ITPR1: variants seen among roughly 807,000 people sequenced by gnomAD.
ITPR1 encodes inositol 1,4,5-trisphosphate receptor type 1.
ITPR1 carries 96 observed loss-of-function variants against 318.4 expected under a neutral mutation model. The observed-to-expected ratio is 0.30, with a 90% CI of 0.26 to 0.36. The LOEUF (loss-of-function observed/expected upper bound fraction) is 0.36. ITPR1 is among the 10% of genes least tolerant of loss of function. ITPR1 has a pLI of 1.00. For missense variants in ITPR1, 2,440 were observed against 3,460.2 expected, an observed-to-expected ratio of 0.71 and a Z score of 7.40; for synonymous variants, 1,312 against 1,289.9, an observed-to-expected ratio of 1.02 and a Z score of -0.37.
intron 4 of ITPR1, among the ~76,000 whole-genome samples, chr3:4,600,311 T>G (rs1390681765): frequency 6.6e-6 from 1 of 152,160 alleles, no homozygotes; most frequent in Non-Finnish European, 1.5e-5. Context: ...CCCTTGTGAA[T>G]TAGAACTGGT....
Position 4,697,223 on chromosome 3 carries a change from G to A in ITPR1, c.4358G>A (p.Ser1453Asn). Residue 1453 changes from serine (S) to asparagine (N), a missense_variant, in exon 34 of 62, where the codon AGC (serine) becomes AAC (asparagine). Ser to Asn is a conservative substitution (Grantham distance 46). Coordinates refer to ENST00000649015, the MANE Select transcript of ITPR1 (RefSeq NM_001378452.1). ...TEVEMKEIYT[S>N]NHMWKLFENF... ...GTGGAAATGAAGGAGATTTATACCA[G>A]CAATCACATGTGGAAATTGTTTGAG... 6.3e-7 allele frequency: 1 copy of A among 1,587,234 alleles called. No homozygotes were observed. The highest frequency in any genetic ancestry group is 1.1e-5 in the South Asian group (1 of 87,236).
Position 4,693,590 on chromosome 3 carries a change from A to T in ITPR1, c.4130A>T (p.Glu1377Val). ...CGGTCAGAACGGGATCGGATGGATG[A>T]GAACAGCCCTCTCATGTACCACATC... ...MMRSERDRMD[E>V]NSPLMYHIHL... The change falls in exon 33 of 62, where the codon GAG (glutamate) becomes GTG (valine). Residue 1377 changes from glutamate (E) to valine (V), a missense_variant. Physicochemically the swap from Glu to Val is moderately radical, Grantham distance 121. Transcript: ENST00000649015. The T allele has an allele frequency of 1.9e-6, 3 of 1,614,048 alleles. No individual in the cohort carries two copies. The South Asian group carries it at 3.3e-5, about 18-fold the overall frequency.
chr3:4,754,056 G>T (rs371477837), intron 44 of ITPR1, among the ~76,000 whole-genome samples: 3,823 of 132,252 alleles, frequency 0.029, 235 homozygotes, highest in African/African-American at 0.096. Context: ...AATGGGGGGG[G>T]GGTGGCAAGG....
chr3:4,654,187 A>G (rs1460681322), intron 12 of ITPR1, among the ~76,000 whole-genome samples: 1 of 152,210 alleles, frequency 6.6e-6, no homozygotes, highest in Non-Finnish European at 1.5e-5. Flanking sequence ...GGAGACAGTG[A>G]CACCTCATAT....
rs144642542 is a variant in ITPR1 at position 4,726,706 on chromosome 3, T to C, written c.5173-420T>C. Among the ~76,000 whole-genome samples the C allele has an allele frequency of 4.3e-3, 662 of 152,330 alleles. 3 individuals carry two copies. Among genetic ancestry groups the C allele is most frequent in the African/African-American group, 0.015 (637 of 41,566 alleles). Reference sequence around the variant, plus strand: ...GGAAAGCCGTGGTCCCATATCTGTGTCTGCTCAGAGGCGTGTGTCTTGATG... The same window carrying C: ...GGAAAGCCGTGGTCCCATATCTGTGCCTGCTCAGAGGCGTGTGTCTTGATG... On this transcript the variant is annotated intron_variant, in intron 41 of 61. Coordinates refer to ENST00000649015, the MANE Select transcript of ITPR1 (RefSeq NM_001378452.1).
At chr3:4,588,482 C>G (rs1006997626) in intron 4 of ITPR1, among the ~76,000 whole-genome samples, 1 of 152,156 alleles carries the variant, frequency 6.6e-6, no homozygotes, top group African/African-American at 2.4e-5. Flanking sequence ...AGAACTTCCT[C>G]TGCTGTTCCT....
At chr3:4,531,327 G>A (rs547553374) in intron 4 of ITPR1, among the ~76,000 whole-genome samples, 7 of 152,282 alleles carry the variant, frequency 4.6e-5, no homozygotes, top group African/African-American at 1.4e-4. Flanking sequence ...GAATGATGAC[G>A]TTTTAGATTA....
intron 52 of ITPR1, among the ~76,000 whole-genome samples, chr3:4,793,121 A>G (rs549746181): frequency 1.4e-4 from 21 of 152,332 alleles, no homozygotes; most frequent in African/African-American, 5.1e-4. Context: ...ATAAATACCT[A>G]GTTGATTTGA....
At chr3:4,558,750 A>G (rs1218544836) in intron 4 of ITPR1, among the ~76,000 whole-genome samples, 4 of 152,196 alleles carry the variant, frequency 2.6e-5, no homozygotes, top group African/African-American at 9.6e-5. Flanking sequence ...CCAGAAAAAT[A>G]GAGTGATACA....
chr3:4,763,201 G>C (rs191038699), intron 44 of ITPR1, among the ~76,000 whole-genome samples: 1 of 152,088 alleles, frequency 6.6e-6, no homozygotes, highest in Non-Finnish European at 1.5e-5. Context: ...GGTCCTGTTG[G>C]GGGAGGCAGG....
chr3:4,661,099 G>A lies in ITPR1; in HGVS notation c.1251+12G>A, dbSNP rs1454228150. On this transcript the variant is annotated intron_variant, in intron 14 of 61. Transcript: ENST00000649015. ...CCGTGATGCTGAAAGTAAGTCCTGG[G>A]ACTTGCCTGTCTCCTTTTGGTCTCG... The A allele has an allele frequency of 6.7e-6, 10 of 1,495,864 alleles. No homozygotes were observed. The highest frequency in any genetic ancestry group is 9.3e-7 in the Non-Finnish European group (1 of 1,072,774). The allele number at this position is 1,495,864 out of a possible 1,614,324, so 92.7% of individuals were successfully genotyped here.
intron 55 of ITPR1, among the ~76,000 whole-genome samples, chr3:4,810,518 C>T (rs996467898): frequency 2.6e-5 from 4 of 152,352 alleles, no homozygotes; most frequent in Admixed American, 6.5e-5. Flanking sequence ...GTCTTACCCT[C>T]GCAATGTTAA....
At chr3:4,633,982 C>T (rs905896154) in intron 5 of ITPR1, among the ~76,000 whole-genome samples, 7 of 152,048 alleles carry the variant, frequency 4.6e-5, no homozygotes, top group African/African-American at 1.2e-4. Flanking sequence ...TATTGTCATT[C>T]GATAATAGTT....
At chr3:4,780,137 T>C (rs1034189365) in intron 49 of ITPR1, among the ~76,000 whole-genome samples, 1 of 152,080 alleles carries the variant, frequency 6.6e-6, no homozygotes, top group South Asian at 2.1e-4. Context: ...AATAATAATA[T>C]TCCCTAGTCC....
chr3:4,493,886 C>CTTTT (rs71301158), intron 1 of ITPR1, among the ~76,000 whole-genome samples: 4 of 125,582 alleles, frequency 3.2e-5, no homozygotes, highest in African/African-American at 3.0e-5. Context: ...GGAAATAGTT[C>CTTTT]TTTTTTTTTT....
At position 4,642,200 on chromosome 3, in the gene ITPR1, G is replaced by A. The variant is rs886058578; in HGVS notation, c.474G>A (p.Gly158=). Residue 158 remains glycine (G), a synonymous_variant, in exon 7 of 62, where the codon GGG becomes GGA. Coordinates refer to ENST00000649015, the MANE Select transcript of ITPR1 (RefSeq NM_001378452.1). ...RVTLDEAGNE[G]SWFYIQPFYK... ...CATTGGACGAGGCTGGAAATGAAGGGTCCTGGTTTTATATTCAGCCATTCT... is the reference window on the plus strand; with the variant it reads ...CATTGGACGAGGCTGGAAATGAAGGATCCTGGTTTTATATTCAGCCATTCT... 7 of 1,597,978 alleles carry A rather than the reference G, an allele frequency of 4.4e-6. No homozygotes were observed. Among genetic ancestry groups the A allele is most frequent in the Middle Eastern group, 1.7e-4 (1 of 5,972 alleles).
In ITPR1 at chr3:4,509,751, T is replaced by C. The variant is rs188901370; in HGVS notation, c.-16-6725T>C. 6.6e-5 allele frequency among the ~76,000 whole-genome samples: 10 copies of C among 152,292 alleles called. No individual in the cohort carries two copies. In the East Asian group the frequency reaches 1.4e-3, roughly 21 times the overall value. On this transcript the variant is annotated intron_variant, in intron 2 of 61. Transcript: ENST00000649015. ...GGTCAAGGCTGCAGTGAGCTATGAT[T>C]GCACCACTACCTTCCAGCCTGGGTG...
intron 4 of ITPR1, among the ~76,000 whole-genome samples, chr3:4,531,534 C>G (rs1175985868): frequency 6.6e-6 from 1 of 152,082 alleles, no homozygotes; most frequent in Non-Finnish European, 1.5e-5. Context: ...CAGTTGTGCT[C>G]AGGATAAAAG....
chr3:4,629,508 A>G (rs1219274031), intron 5 of ITPR1, among the ~76,000 whole-genome samples: 1 of 152,234 alleles, frequency 6.6e-6, no homozygotes, highest in Non-Finnish European at 1.5e-5. Flanking sequence ...TATTAGAATG[A>G]CAGCTCTACC....
Sources: allele counts gnomAD v4.1 joint callset (sites outside exome capture counted in the v4.1 genomes callset), GRCh38; gene constraint gnomAD v4.1.1; transcripts MANE v1.5; gene names NCBI Gene and HGNC (gene_info 2026-07-23, HGNC 2026-07-21).